RAD51B: variants seen among roughly 807,000 people sequenced by gnomAD.
RAD51B encodes the protein DNA repair protein RAD51 homolog 2.
Under a neutral mutation model 42.2 loss-of-function variants are expected in RAD51B, and 38 were observed. The ratio of observed to expected loss-of-function variants is 0.90; its 90% CI spans 0.70 to 1.18. RAD51B has a LOEUF of 1.18. Among genes scored for constraint, RAD51B ranks in the 50% most tolerant of loss-of-function variants. RAD51B has a pLI of 0.00. For synonymous variants in RAD51B, 154 were observed against 145.2 expected (o/e 1.06, Z -0.43); for missense variants, 373 against 400.7 (o/e 0.93, Z 0.59).
intron 10 of RAD51B, among the ~76,000 whole-genome samples, chr14:68,648,215 T>C (rs1258843018): frequency 6.9e-6 from 1 of 145,868 alleles, no homozygotes; most frequent in Admixed American, 6.8e-5. Context: ...CCCGCATGTG[T>C]GTGAGTAAAG....
chr14:68,564,044 C>A (rs1436033176), intron 10 of RAD51B: 2 of 640,268 alleles, frequency 3.1e-6, no homozygotes, highest in Non-Finnish European at 3.9e-6. Flanking sequence ...CACTAGAGGG[C>A]CTGCATGGGC....
intron 7 of RAD51B, among the ~76,000 whole-genome samples, chr14:68,060,350 G>C (rs761955195): frequency 4.6e-5 from 7 of 152,160 alleles, no homozygotes; most frequent in Non-Finnish European, 8.8e-5. Context: ...ACTTCAGAAT[G>C]CAGCACAGGA....
intron 7 of RAD51B, among the ~76,000 whole-genome samples, chr14:67,993,947 ATAACT>A (rs1403286971): frequency 1.3e-5 from 2 of 152,200 alleles, no homozygotes; most frequent in Admixed American, 1.3e-4. Context: ...CTATATGTTA[ATAACT>A]TAATATATAA....
intron 10 of RAD51B, among the ~76,000 whole-genome samples, chr14:68,511,682 G>A (rs79342669): frequency 0.011 from 1,616 of 152,320 alleles, 30 homozygotes; most frequent in African/African-American, 0.038. Flanking sequence ...CTATTAAGGC[G>A]TGTTCAGAGA....
chr14:68,638,480 T>G (rs1351099075), intron 10 of RAD51B, among the ~76,000 whole-genome samples: 1 of 152,110 alleles, frequency 6.6e-6, no homozygotes, highest in African/African-American at 2.4e-5. Context: ...GTCACACAGT[T>G]AGCCCTCTGA....
chr14:68,458,120 T>C (rs1278273660), intron 9 of RAD51B, among the ~76,000 whole-genome samples: 2 of 152,204 alleles, frequency 1.3e-5, no homozygotes, highest in Non-Finnish European at 2.9e-5. Flanking sequence ...GGTTGATAGA[T>C]AAATAGATAT....
chr14:68,288,453 A>G (rs2081454960), intron 7 of RAD51B, among the ~76,000 whole-genome samples: 1 of 152,168 alleles, frequency 6.6e-6, no homozygotes, highest in Non-Finnish European at 1.5e-5. Flanking sequence ...GCCATTGGGG[A>G]GTGAATATTT....
intron 7 of RAD51B, among the ~76,000 whole-genome samples, chr14:68,024,957 A>G (rs2075927957): frequency 1.3e-5 from 2 of 151,588 alleles, no homozygotes; most frequent in Admixed American, 1.3e-4. Flanking sequence ...TTCAGCTCAT[A>G]CTCATTCAGT....
chr14:68,060,318 T>G (rs2076547509), intron 7 of RAD51B, among the ~76,000 whole-genome samples: 1 of 152,240 alleles, frequency 6.6e-6, no homozygotes, highest in African/African-American at 2.4e-5. Flanking sequence ...TCTGCTATAC[T>G]TGGTATAGCA....
At chr14:68,264,976 T>C (rs927093874) in intron 7 of RAD51B, among the ~76,000 whole-genome samples, 3 of 152,174 alleles carry the variant, frequency 2.0e-5, no homozygotes, top group Non-Finnish European at 4.4e-5. Context: ...GGGTTTAATG[T>C]GAAATAAGTG....
At chr14:68,537,453 C>T (rs888344042) in intron 10 of RAD51B, among the ~76,000 whole-genome samples, 4 of 150,806 alleles carry the variant, frequency 2.7e-5, no homozygotes, top group South Asian at 2.1e-4. Flanking sequence ...GAGCCGAGAT[C>T]GCGCCACTGT....
intron 10 of RAD51B, among the ~76,000 whole-genome samples, chr14:68,643,446 T>C (rs1892504154): frequency 6.6e-6 from 1 of 152,206 alleles, no homozygotes; most frequent in Admixed American, 6.5e-5. Context: ...TGGGTCTTGT[T>C]TCTTGATCCA....
chr14:68,437,632 T>C (rs1422936214), intron 9 of RAD51B, among the ~76,000 whole-genome samples: 1 of 152,172 alleles, frequency 6.6e-6, no homozygotes, highest in East Asian at 1.9e-4. Context: ...CCTTTCTGGG[T>C]ACATATGTGT....
intron 5 of RAD51B, among the ~76,000 whole-genome samples, chr14:67,876,325 A>G (rs963841620): frequency 6.6e-6 from 1 of 152,168 alleles, no homozygotes; most frequent in Non-Finnish European, 1.5e-5. Context: ...CGTATGTTTT[A>G]TTTCAAGTTG....
chr14:67,997,650 A>G (rs1184545257), intron 7 of RAD51B, among the ~76,000 whole-genome samples: 1 of 151,974 alleles, frequency 6.6e-6, no homozygotes, highest in Non-Finnish European at 1.5e-5. Context: ...GTTTTTTGAT[A>G]TTTTGTCAAA....
At chr14:68,537,946 G>C (rs1887736052) in intron 10 of RAD51B, among the ~76,000 whole-genome samples, 1 of 152,194 alleles carries the variant, frequency 6.6e-6, no homozygotes, top group Admixed American at 6.5e-5. Context: ...ATGTAGCTAA[G>C]TGGTCAAAAA....
At chr14:68,600,446 C>T (rs10220647), downstream of RAD51B, among the ~76,000 whole-genome samples, 2,325 of 152,192 alleles carry the variant, frequency 0.015, 61 homozygotes, top group African/African-American at 0.053. Flanking sequence ...TTAACTGATC[C>T]CACAGGAGCC....
At chr14:68,080,566 G>T (rs1474541628) in intron 7 of RAD51B, among the ~76,000 whole-genome samples, 2 of 152,172 alleles carry the variant, frequency 1.3e-5, no homozygotes, top group African/African-American at 4.8e-5. Context: ...TTTCCAAGGT[G>T]TTAAAGCTTT....
chr14:67,825,619 T>C, intron 3 of RAD51B, 42 bp downstream of exon 3: 1 of 1,437,136 alleles, frequency 7.0e-7, no homozygotes, highest in Non-Finnish European at 9.6e-7. Flanking sequence ...GAATGATTCC[T>C]CATCTCATTA....
Sources: allele counts gnomAD v4.1 joint callset (sites outside exome capture counted in the v4.1 genomes callset), GRCh38; gene constraint gnomAD v4.1.1; transcripts MANE v1.5; gene names NCBI Gene and HGNC (gene_info 2026-07-23, HGNC 2026-07-21).